Variants in VPS13A observed in about 807,000 individuals in gnomAD.
VPS13A encodes intermembrane lipid transfer protein VPS13A.
Under a neutral mutation model 390.9 loss-of-function variants are expected in VPS13A, and 264 were observed. The observed-to-expected ratio is 0.68, with a 90% CI of 0.61 to 0.75. VPS13A has a LOEUF of 0.75. Among genes scored for constraint, VPS13A ranks in the 30% least tolerant of loss-of-function variants. The pLI is 0.00. For missense variants in VPS13A, 3,409 were observed against 3,733.9 expected (o/e 0.91, Z 2.27); for synonymous variants, 1,231 against 1,227.1 (o/e 1.00, Z -0.07).
chr9:77,226,696 AT>A, intron 15 of VPS13A, 98 bp downstream of exon 15: 1 of 1,047,714 alleles, frequency 9.5e-7, no homozygotes, highest in South Asian at 2.1e-5. Context: ...ATTGAAATAT[AT>A]TTATTTAATT....
chr9:77,181,674 T>C (rs1186135068), intron 1 of VPS13A, among the ~76,000 whole-genome samples: 3 of 152,220 alleles, frequency 2.0e-5, no homozygotes, highest in Non-Finnish European at 2.9e-5. Context: ...CATGTTACTA[T>C]AATAGTATCA....
intron 52 of VPS13A, 123 bp from the exon 53 acceptor site, chr9:77,351,194 G>A: frequency 2.3e-6 from 3 of 1,325,376 alleles, no homozygotes; most frequent in Non-Finnish European, 3.2e-6. Flanking sequence ...TTTCAGCCTT[G>A]TTTTAATCAG....
intron 3 of VPS13A, among the ~76,000 whole-genome samples, chr9:77,204,993 T>G (rs1470293122): frequency 6.6e-6 from 1 of 152,132 alleles, no homozygotes; most frequent in Non-Finnish European, 1.5e-5. Context: ...AATTCAAAGT[T>G]ATGATATTAA....
At chr9:77,282,962 A>C (rs1017215249) in intron 29 of VPS13A, among the ~76,000 whole-genome samples, 8 of 152,048 alleles carry the variant, frequency 5.3e-5, no homozygotes, top group African/African-American at 1.7e-4. Flanking sequence ...TTTCGAAAAA[A>C]AAAAACAAAA....
At chr9:77,289,906 A>C (rs1198764707) in intron 31 of VPS13A, among the ~76,000 whole-genome samples, 1 of 151,096 alleles carries the variant, frequency 6.6e-6, no homozygotes, top group African/African-American at 2.4e-5. Flanking sequence ...TCAGCCTCCC[A>C]AATAGCTGAG....
At chr9:77,299,675 A>G (rs1828230570) in intron 33 of VPS13A, among the ~76,000 whole-genome samples, 1 of 152,200 alleles carries the variant, frequency 6.6e-6, no homozygotes, top group Non-Finnish European at 1.5e-5. Context: ...GAACCAACCC[A>G]AATGCTCATC....
chr9:77,310,705 G>T (rs746809267), intron 35 of VPS13A, among the ~76,000 whole-genome samples: 1 of 152,148 alleles, frequency 6.6e-6, no homozygotes, highest in Non-Finnish European at 1.5e-5. Context: ...TGATAACTTA[G>T]AAGTAAAGAC....
intron 23 of VPS13A, among the ~76,000 whole-genome samples, chr9:77,265,470 C>T (rs568278758): frequency 2.6e-5 from 4 of 152,172 alleles, no homozygotes; most frequent in South Asian, 2.1e-4. Flanking sequence ...GCCTCAATTT[C>T]GGAACTTGTT....
chr9:77,266,643 G>T (rs1826052935), intron 23 of VPS13A, among the ~76,000 whole-genome samples: 1 of 151,768 alleles, frequency 6.6e-6, no homozygotes, highest in South Asian at 2.1e-4. Flanking sequence ...TGTGTCTTGG[G>T]GTTGCTCTTA....
intron 50 of VPS13A, among the ~76,000 whole-genome samples, chr9:77,343,078 C>A (rs886418793): frequency 6.6e-6 from 1 of 152,190 alleles, no homozygotes; most frequent in Non-Finnish European, 1.5e-5. Context: ...TTCCAGTTCT[C>A]AGCTCAGGCG....
chr9:77,225,909 T>G lies in VPS13A; in HGVS notation c.1162-17T>G. The G allele has an allele frequency of 6.3e-7, 1 of 1,590,988 alleles. No homozygotes were observed. Among genetic ancestry groups the G allele is most frequent in the East Asian group, 2.2e-5 (1 of 44,562 alleles). Reference sequence around the variant, plus strand: ...TTATTTTTGTAAAGTTAACACATTTTTGTTTATATTTTTCAGGAGTTGGAA... The same window carrying G: ...TTATTTTTGTAAAGTTAACACATTTGTGTTTATATTTTTCAGGAGTTGGAA... On this transcript the variant is annotated splice_polypyrimidine_tract_variant and intron_variant, in intron 13 of 71. Transcript: ENST00000360280.
chr9:77,322,937 A>G, intron 44 of VPS13A, 130 bp from the exon 45 acceptor site: 1 of 719,432 alleles, frequency 1.4e-6, no homozygotes, highest in Non-Finnish European at 2.2e-6. Flanking sequence ...TTTATGGACT[A>G]TATCCAAAGA....
rs142571721 is a variant in VPS13A, at chr9:77,194,361, TG to T, written c.101-5576del. ...GGAACAGGCAACCAGGGATGGGGGT[TG>T]GGGGGGGCGCTCAAATCTGACAAGC... is the stretch of plus-strand genomic sequence containing the variant. On this transcript the variant is annotated intron_variant, in intron 1 of 71. Coordinates refer to ENST00000360280, the MANE Select transcript of VPS13A (RefSeq NM_033305.3). Among the ~76,000 whole-genome samples the T allele has an allele frequency of 1.9e-3, 283 of 149,518 alleles. 1 individual carries two copies. The highest frequency in any genetic ancestry group is 6.5e-3 in the African/African-American group (265 of 40,606).
At chr9:77,279,501 A>T (rs1302784348) in intron 26 of VPS13A, among the ~76,000 whole-genome samples, 2 of 152,004 alleles carry the variant, frequency 1.3e-5, no homozygotes, top group Non-Finnish European at 2.9e-5. Flanking sequence ...ATATGGGCAC[A>T]GGATGGTGGG....
intron 67 of VPS13A, among the ~76,000 whole-genome samples, chr9:77,379,236 C>T (rs576950977): frequency 4.5e-4 from 66 of 145,334 alleles, no homozygotes; most frequent in African/African-American, 1.6e-3. Flanking sequence ...CCATACCCAG[C>T]TAATTTTTTT....
At chr9:77,282,083 T>TTTA (rs1346663093) in intron 28 of VPS13A, 38 bp from the exon 29 acceptor site, 1 of 1,605,518 alleles carries the variant, frequency 6.2e-7, no homozygotes, top group Non-Finnish European at 8.5e-7. Context: ...CAAGCAAATA[T>TTTA]TTATTGACCT....
rs774617189 is a variant in VPS13A, at chr9:77,357,706, T to C, written c.7821T>C (p.Pro2607=). 9 of 1,614,008 alleles carry C rather than the reference T, an allele frequency of 5.6e-6. No homozygotes were observed. Among genetic ancestry groups the C allele is most frequent in the Middle Eastern group, 3.3e-4 (2 of 6,060 alleles). ...ATATTTTTCAGGTTCGCCTAACCCC[T>C]ACTGGTCATAACATGAAAATTCTGC... ...LDTNVPVRLT[P]TGHNMKILQP... is the part of the protein sequence containing the mutation. The change falls in exon 56 of 72, where the codon CCT becomes CCC. Residue 2607 remains proline (P), a synonymous_variant. Coordinates refer to ENST00000360280, the MANE Select transcript of VPS13A (RefSeq NM_033305.3).
At position 77,368,107 on chromosome 9, in the gene VPS13A, T is replaced by G; in HGVS notation, c.8524T>G (p.Ser2842Ala). 1.2e-6 allele frequency: 2 copies of G among 1,612,552 alleles called. No individual in the cohort carries two copies. The highest frequency in any genetic ancestry group is 1.7e-6 in the Non-Finnish European group (2 of 1,179,536). ...GTTCCATACAACATCCGATCTACAGTCTGAAGTCATAAGACACTATTCAAA... is the reference window on the plus strand; with the variant it reads ...GTTCCATACAACATCCGATCTACAGGCTGAAGTCATAAGACACTATTCAAA... ...YQFHTTSDLQ[S>A]EVIRHYSKQA... The change falls in exon 62 of 72, where the codon TCT becomes GCT. Residue 2842 changes from serine (S) to alanine (A), a missense_variant. Transcript: ENST00000360280.
intron 57 of VPS13A, 145 bp downstream of exon 57, chr9:77,358,583 A>C (rs1483305180): frequency 1.4e-6 from 1 of 701,810 alleles, no homozygotes; most frequent in Non-Finnish European, 2.5e-6. Flanking sequence ...AAGGACCAGC[A>C]AGTACTATAC....
Sources: gnomAD v4.1 joint callset for allele counts (sites outside exome capture counted in the v4.1 genomes callset) on GRCh38, gnomAD v4.1.1 for gene constraint, MANE v1.5 for transcripts, NCBI Gene and HGNC (gene_info 2026-07-23, HGNC 2026-07-21) for gene names.